Variants in KCNQ4 observed in about 807,000 individuals in gnomAD.
KCNQ4 encodes potassium voltage-gated channel subfamily Q member 4, also known as potassium voltage-gated channel subfamily KQT member 4.
A neutral mutation model predicts 72.6 loss-of-function variants in KCNQ4; 31 were observed. The ratio of observed to expected loss-of-function variants is 0.43; its 90% CI spans 0.32 to 0.58. The LOEUF is 0.58. Among genes scored for constraint, KCNQ4 ranks in the 20% least tolerant of loss-of-function variants. The pLI, the probability that KCNQ4 is intolerant of heterozygous loss-of-function variation, is 0.08. For missense variants in KCNQ4, 869 were observed against 962.6 expected (o/e 0.90, Z 1.29); for synonymous variants, 405 against 403.7 (o/e 1.00, Z -0.04).
chr1:40,799,467 G>A (rs965600755), intron 1 of KCNQ4, among the ~76,000 whole-genome samples: 13 of 151,868 alleles, frequency 8.6e-5, no homozygotes, highest in East Asian at 3.9e-4. Context: ...CACTGCCGTC[G>A]CCTGGGAGAC....
At chr1:40,792,390 C>G (rs1474082693) in intron 1 of KCNQ4, among the ~76,000 whole-genome samples, 1 of 152,190 alleles carries the variant, frequency 6.6e-6, no homozygotes, top group African/African-American at 2.4e-5. Context: ...CAGGAAGGGA[C>G]TAGGCCTTTC....
intron 1 of KCNQ4, among the ~76,000 whole-genome samples, chr1:40,792,363 C>T (rs1647299334): frequency 6.6e-6 from 1 of 152,178 alleles, no homozygotes. Context: ...AACTTCCTCG[C>T]TTAGAGGCAG....
At chr1:40,819,323 C>T in intron 4 of KCNQ4, 24 bp from the exon 5 acceptor site, 1 of 1,613,326 alleles carries the variant, frequency 6.2e-7, no homozygotes, top group East Asian at 2.2e-5. Flanking sequence ...CGCTCCTCAC[C>T]GCGCCCCTCC....
Position 40,817,290 on chromosome 1 carries a change from G to A in KCNQ4, c.340G>A (p.Val114Met). 5 of 1,613,924 alleles carry A rather than the reference G, an allele frequency of 3.1e-6. No homozygotes were observed. Among genetic ancestry groups the A allele is most frequent in the Middle Eastern group, 1.7e-4 (1 of 6,060 alleles). The change falls in exon 2 of 14, where the codon GTG (valine) becomes ATG (methionine). Residue 114 changes from valine (V) to methionine (M), a missense_variant. Coordinates refer to ENST00000347132, the MANE Select transcript of KCNQ4 (RefSeq NM_004700.4). The surrounding 1 kb of genome is among the most constrained non-coding windows in gnomAD (Gnocchi z 5.5). ...FIFLLVFSCLVLSVLSTIQEH... is the reference protein window; with the variant it reads ...FIFLLVFSCLMLSVLSTIQEH... ...ATTTTTGCTGGTCTTCAGCTGCCTG[G>A]TGCTGTCTGTGCTGTCCACTATCCA...
chr1:40,811,106 A>C (rs948331722), intron 1 of KCNQ4, among the ~76,000 whole-genome samples: 1 of 152,108 alleles, frequency 6.6e-6, no homozygotes, highest in Non-Finnish European at 1.5e-5. Context: ...GTACGGTTCC[A>C]TGGGGTCACT....
intron 8 of KCNQ4, 152 bp from the exon 9 acceptor site, chr1:40,823,945 C>G (rs1276904051): frequency 4.8e-6 from 4 of 837,118 alleles, no homozygotes; most frequent in Middle Eastern, 6.8e-4. Flanking sequence ...CAGTCTCCCA[C>G]TGTCCACCCT....
chr1:40,838,299 C>A lies in KCNQ4; in HGVS notation c.1876-12C>A. The A allele has an allele frequency of 3.1e-6, 5 of 1,612,262 alleles. No homozygotes were observed. The highest frequency in any genetic ancestry group is 4.2e-6 in the Non-Finnish European group (5 of 1,179,432). On this transcript the variant is annotated splice_polypyrimidine_tract_variant and intron_variant, in intron 13 of 13. Transcript: ENST00000347132. Reference sequence around the variant, plus strand: ...TCCCAGGCCCTGCTTCCCAGCTGCGCCCCGTCCCCAGGTGCAGTCCATCGA... The same window carrying A: ...TCCCAGGCCCTGCTTCCCAGCTGCGACCCGTCCCCAGGTGCAGTCCATCGA...
Position 40,784,144 on chromosome 1 carries a change from C to A in KCNQ4, c.51C>A (p.Asp17Glu). ...TCGGCCTGGGTCCCCCGCCCGGGGACGCCCCCCGCGCGGAGCTAGTGGCGC... is the reference window on the plus strand; with the variant it reads ...TCGGCCTGGGTCCCCCGCCCGGGGAAGCCCCCCGCGCGGAGCTAGTGGCGC... The part of the protein sequence containing the change: ...RRLGLGPPPG[D>E]APRAELVALT... The change falls in exon 1 of 14, where the codon GAC (aspartate) becomes GAA (glutamate). Residue 17 changes from aspartate (D) to glutamate (E), a missense_variant. Coordinates refer to ENST00000347132, the MANE Select transcript of KCNQ4 (RefSeq NM_004700.4). The surrounding 1 kb of genome is among the most constrained non-coding windows in gnomAD (Gnocchi z 4.1). 2 of 1,020,280 alleles carry A rather than the reference C, an allele frequency of 2.0e-6. No homozygotes were observed. The highest frequency in any genetic ancestry group is 1.2e-6 in the Non-Finnish European group (1 of 837,714). The allele number at this position is 1,020,280 out of a possible 1,614,324, so 63.2% of individuals were successfully genotyped here. A position where few individuals can be genotyped will look rare whatever the true frequency, so the allele number is the denominator to read the frequency against.
intron 1 of KCNQ4, among the ~76,000 whole-genome samples, chr1:40,811,579 C>G (rs1647929945): frequency 6.6e-6 from 1 of 152,226 alleles, no homozygotes; most frequent in Non-Finnish European, 1.5e-5. Context: ...CAAATCTAAG[C>G]AAACCATTCA....
intron 1 of KCNQ4, among the ~76,000 whole-genome samples, chr1:40,815,503 C>T (rs938776727): frequency 6.6e-6 from 1 of 152,122 alleles, no homozygotes; most frequent in African/African-American, 2.4e-5. Context: ...TACATGTGGC[C>T]GCTGCCTTTT....
intron 1 of KCNQ4, among the ~76,000 whole-genome samples, chr1:40,787,531 G>C (rs1367980873): frequency 6.6e-6 from 1 of 152,286 alleles, no homozygotes; most frequent in East Asian, 1.9e-4. Context: ...AGATTGCCTA[G>C]AGTACAAGCC....
intron 1 of KCNQ4, chr1:40,804,767 G>C (rs1007364853): frequency 1.3e-5 from 2 of 150,202 alleles, no homozygotes; most frequent in East Asian, 3.9e-4. Context: ...GCAGTGAGCC[G>C]TGATTGCACC....
Position 40,819,714 on chromosome 1 carries a change from A to G in KCNQ4, c.835-161A>G, listed in dbSNP as rs370945800. On this transcript the variant is annotated intron_variant, in intron 5 of 13. Transcript: ENST00000347132. ...CTTGTGACTATACCCCTTTCCCCTG[A>G]CCAGCCCAGGAGAGGGAGAATCCAT... 3.0e-4 allele frequency among the ~76,000 whole-genome samples: 46 copies of G among 151,542 alleles called. 1 individual carries two copies. In the East Asian group the frequency reaches 8.6e-3, roughly 28 times the overall value.
intron 9 of KCNQ4, among the ~76,000 whole-genome samples, chr1:40,826,285 C>T (rs1462880936): frequency 6.6e-6 from 1 of 152,212 alleles, no homozygotes; most frequent in African/African-American, 2.4e-5. Flanking sequence ...CACCTCTCCT[C>T]TTCAGGGTTT....
At chr1:40,795,737 C>A (rs1647391359) in intron 1 of KCNQ4, among the ~76,000 whole-genome samples, 1 of 152,074 alleles carries the variant, frequency 6.6e-6, no homozygotes, top group Non-Finnish European at 1.5e-5. Context: ...GCCACACTAG[C>A]AATTCCTGTC....
rs1389127494 is a variant in KCNQ4, at chr1:40,788,472, C to T, written c.314+4065C>T. On this transcript the variant is annotated intron_variant, in intron 1 of 13. Transcript: ENST00000347132. This position sits in a 1 kb window ranked among gnomAD's most constrained non-coding sequence, Gnocchi z 4.5. ...CAGCACCAACTATGCACAGGGCACCCTGCTGAGCTCTCTCTAAACCGGTCT... is the reference window on the plus strand; with the variant it reads ...CAGCACCAACTATGCACAGGGCACCTTGCTGAGCTCTCTCTAAACCGGTCT... Among the ~76,000 whole-genome samples the T allele has an allele frequency of 1.3e-5, 2 of 152,224 alleles. No individual in the cohort carries two copies. The highest frequency in any genetic ancestry group is 2.4e-5 in the African/African-American group (1 of 41,452).
chr1:40,794,953 C>T lies in KCNQ4; in HGVS notation c.314+10546C>T, dbSNP rs1248162109. On this transcript the variant is annotated intron_variant, in intron 1 of 13. Coordinates refer to ENST00000347132, the MANE Select transcript of KCNQ4 (RefSeq NM_004700.4). This position sits in a 1 kb window ranked among gnomAD's most constrained non-coding sequence, Gnocchi z 4.2. ...AGTGAGGACCAACCCAAGGCTCTTTCCTAAGATTGGGTTGGGCGGGTGGGG... is the reference window on the plus strand; with the variant it reads ...AGTGAGGACCAACCCAAGGCTCTTTTCTAAGATTGGGTTGGGCGGGTGGGG... 8.2e-6 allele frequency among the ~76,000 whole-genome samples: 1 copy of T among 121,362 alleles called. No homozygotes were observed. The highest frequency in any genetic ancestry group is 1.6e-5 in the Non-Finnish European group (1 of 63,478). The allele number at this position is 121,362 out of a possible 152,430, so 79.6% of individuals were successfully genotyped here. A position where few individuals can be genotyped will look rare whatever the true frequency, so the allele number is the denominator to read the frequency against.
chr1:40,787,631 G>A (rs1344887058), intron 1 of KCNQ4, among the ~76,000 whole-genome samples: 3 of 152,124 alleles, frequency 2.0e-5, no homozygotes, highest in Non-Finnish European at 4.4e-5. Flanking sequence ...AGAATGAGGG[G>A]CCACTGAGCC....
Position 40,788,101 on chromosome 1 carries a change from G to A in KCNQ4, c.314+3694G>A, listed in dbSNP as rs1171093590. 2.0e-5 allele frequency among the ~76,000 whole-genome samples: 3 copies of A among 151,724 alleles called. No homozygotes were observed. The highest frequency in any genetic ancestry group is 2.9e-5 in the Non-Finnish European group (2 of 67,948). Reference sequence around the variant, plus strand: ...TGGGGCCCGCAGACTCCTAACCCCCGAGCCCCCGACCTCCCACCCCGGCCA... The same window carrying A: ...TGGGGCCCGCAGACTCCTAACCCCCAAGCCCCCGACCTCCCACCCCGGCCA... On this transcript the variant is annotated intron_variant, in intron 1 of 13. Transcript: ENST00000347132. This position sits in a 1 kb window ranked among gnomAD's most constrained non-coding sequence, Gnocchi z 4.5.
Sources: allele counts gnomAD v4.1 joint callset (sites outside exome capture counted in the v4.1 genomes callset), GRCh38; gene constraint gnomAD v4.1.1; non-coding constraint Gnocchi (gnomAD v3.1); transcripts MANE v1.5; gene names NCBI Gene and HGNC (gene_info 2026-07-23, HGNC 2026-07-21).